TMC4: variants seen among roughly 807,000 people sequenced by gnomAD.
TMC4 encodes voltage-gated chloride channel TMC4.
Under a neutral mutation model 82.0 loss-of-function variants are expected in TMC4, and 70 were observed. The ratio of observed to expected loss-of-function variants is 0.85; its 90% CI spans 0.70 to 1.04. The LOEUF is 1.04. TMC4 is among the 50% of genes least tolerant of loss of function. The pLI, the probability that TMC4 is intolerant of heterozygous loss-of-function variation, is 0.00. For synonymous variants in TMC4, 446 were observed against 406.0 expected (o/e 1.10, Z -1.18); for missense variants, 879 against 899.0 (o/e 0.98, Z 0.28).
At chr19:54,160,832 G>C (rs757869886) in intron 13 of TMC4, 46 bp downstream of exon 13, 1 of 1,604,762 alleles carries the variant, frequency 6.2e-7, no homozygotes, top group African/African-American at 1.3e-5. Flanking sequence ...GTGGCCCCCA[G>C]ATCACACGCA....
At chr19:54,162,374 C>T in intron 10 of TMC4, 89 bp from the exon 11 acceptor site, 2 of 633,416 alleles carry the variant, frequency 3.2e-6, no homozygotes, top group East Asian at 6.8e-5. Flanking sequence ...CAATAGGAAG[C>T]ATGCGTATTG....
chr19:54,171,844 G>A, intron 2 of TMC4, 26 bp downstream of exon 2: 1 of 1,569,890 alleles, frequency 6.4e-7, no homozygotes, highest in Non-Finnish European at 8.6e-7. Context: ...GGGCTGTGCG[G>A]GTCCCAGCTG....
intron 8 of TMC4, 158 bp from the exon 9 acceptor site, chr19:54,163,317 T>C: frequency 6.8e-6 from 7 of 1,022,758 alleles, no homozygotes; most frequent in African/African-American, 3.4e-5. Context: ...TCTTTTTTTT[T>C]TTTTTTTTTT....
intron 10 of TMC4, 137 bp from the exon 11 acceptor site, chr19:54,162,422 A>G: frequency 1.5e-6 from 1 of 669,574 alleles, no homozygotes; most frequent in Non-Finnish European, 2.4e-6. Flanking sequence ...TCAGGACTCC[A>G]CGTGGAGGGG....
Position 54,171,927 on chromosome 19 carries a change from T to G in TMC4, c.236A>C (p.Gln79Pro). 6.2e-7 allele frequency: 1 copy of G among 1,613,582 alleles called. No individual in the cohort carries two copies. The highest frequency in any genetic ancestry group is 8.5e-7 in the Non-Finnish European group (1 of 1,179,726). ...CAGTTCCCGGGAAGGGTGAGGGTCC[T>G]GCAGCTCTGTCTGGGTGACTTCTGT... ...AFTEVTQTELQDPHPSRELPW... is the reference protein window; with the variant it reads ...AFTEVTQTELPDPHPSRELPW... Residue 79 changes from glutamine (Q) to proline (P), a missense_variant, in exon 2 of 15, where the codon CAG becomes CCG. By Grantham distance (76) the Gln-to-Pro change is moderately conservative. Coordinates refer to ENST00000619895, the MANE Select transcript of TMC4 (RefSeq NM_144686.4).
intron 1 of TMC4, 43 bp from the exon 2 acceptor site, chr19:54,172,126 C>G (rs559647109): frequency 6.8e-7 from 1 of 1,470,440 alleles, no homozygotes; most frequent in South Asian, 1.4e-5. Flanking sequence ...GAGTCTGGGC[C>G]CTAATTCCTC....
At chr19:54,172,938 C>T (rs2075946537) in intron 1 of TMC4, 101 bp downstream of exon 1, 3 of 981,534 alleles carry the variant, frequency 3.1e-6, no homozygotes, top group African/African-American at 1.6e-5. Context: ...CTCTCTTTAG[C>T]CCTCAGACTC....
intron 11 of TMC4, 34 bp from the exon 12 acceptor site, chr19:54,161,294 A>G: frequency 6.8e-7 from 1 of 1,473,444 alleles, no homozygotes; most frequent in South Asian, 1.5e-5. Context: ...AAGGGCTCTG[A>G]AACACAAGAG....
rs1422936059 is a variant in TMC4 at position 54,165,510 on chromosome 19, T to A, written c.854A>T (p.Tyr285Phe). The A allele has an allele frequency of 9.3e-6, 15 of 1,612,692 alleles. No homozygotes were observed. The highest frequency in any genetic ancestry group is 1.2e-5 in the Non-Finnish European group (14 of 1,179,460). ...LLAESEALTS[Y>F]SHRVFSAWDF... is the part of the protein sequence containing the mutation. ...CCAGGCCGAGAACACCCGGTGGCTG[T>A]AGCTGGTCAGAGCCTCGGACTCCGC... Residue 285 changes from tyrosine (Y) to phenylalanine (F), a missense_variant, in exon 6 of 15, where the codon TAC becomes TTC. Physicochemically the swap from Tyr to Phe is conservative, Grantham distance 22. Transcript: ENST00000619895.
At chr19:54,170,965 A>G (rs565305245) in intron 2 of TMC4, among the ~76,000 whole-genome samples, 117 of 152,018 alleles carry the variant, frequency 7.7e-4, no homozygotes, top group African/African-American at 2.4e-3. Context: ...CTCAGGCCGC[A>G]GTATAGTGGC....
At chr19:54,169,728 C>A (rs1169603102) in intron 2 of TMC4, 68 bp from the exon 3 acceptor site, 2 of 1,579,746 alleles carry the variant, frequency 1.3e-6, no homozygotes, top group Non-Finnish European at 1.7e-6. Flanking sequence ...TGAATGTAGA[C>A]ACAATCCAAC....
chr19:54,170,866 A>G (rs1455248080), intron 2 of TMC4, among the ~76,000 whole-genome samples: 2 of 151,942 alleles, frequency 1.3e-5, no homozygotes, highest in African/African-American at 4.8e-5. Context: ...TTATATAGAT[A>G]GCTGTTCTTT....
chr19:54,160,703 C>A (rs565547136), intron 13 of TMC4, 158 bp from the exon 14 acceptor site: 3 of 1,430,132 alleles, frequency 2.1e-6, no homozygotes, highest in Non-Finnish European at 2.8e-6. Flanking sequence ...ATCCAGGAGT[C>A]CTACGTCCCG....
At chr19:54,168,789 T>TTTC (rs1281188788) in intron 3 of TMC4, 109 bp from the exon 4 acceptor site, 2 of 275,714 alleles carry the variant, frequency 7.3e-6, no homozygotes, top group Admixed American at 8.6e-5. Context: ...CTTTCTTTTC[T>TTTC]TTTCTTTCTT....
chr19:54,161,701 G>T (rs2075559253), intron 11 of TMC4, among the ~76,000 whole-genome samples: 1 of 152,152 alleles, frequency 6.6e-6, no homozygotes, highest in South Asian at 2.1e-4. Flanking sequence ...ACTAAGCCCG[G>T]CTAATTTTTT....
rs781901191 is a variant in TMC4, at chr19:54,160,287, G to C, written c.*19C>G. On this transcript the variant is annotated 3_prime_UTR_variant, in exon 15 of 15. Transcript: ENST00000619895. ...TACAATGGGCCTGGGGTCTGAAAGC[G>C]GGACGTGGGCTGCGGGGGTCAAAGA... 2 of 1,512,202 alleles carry C rather than the reference G, an allele frequency of 1.3e-6. No individual in the cohort carries two copies. The highest frequency in any genetic ancestry group is 1.3e-5 in the South Asian group (1 of 74,608). 93.7% of individuals were successfully genotyped at this position (1,512,202 alleles called of 1,614,324 possible). A position where few individuals can be genotyped will look rare whatever the true frequency, so the allele number is the denominator to read the frequency against.
intron 5 of TMC4, 112 bp downstream of exon 5, chr19:54,168,059 G>A (rs2075747107): frequency 4.6e-6 from 6 of 1,313,214 alleles, no homozygotes; most frequent in African/African-American, 1.5e-5. Flanking sequence ...GCAAAACTCC[G>A]TCTCAAAAAA....
chr19:54,163,611 T>C, intron 8 of TMC4, 113 bp downstream of exon 8: 4 of 1,329,420 alleles, frequency 3.0e-6, no homozygotes, highest in Non-Finnish European at 4.3e-6. Context: ...AGTCAGGATT[T>C]GAATCCCTGG....
chr19:54,163,963 T>C (rs1430957068), intron 7 of TMC4, 76 bp from the exon 8 acceptor site: 19 of 1,333,132 alleles, frequency 1.4e-5, no homozygotes, highest in Middle Eastern at 2.1e-4. Flanking sequence ...CCCCGGCCTC[T>C]TCTTCTTCTT....
Sources: gnomAD v4.1 joint callset for allele counts (sites outside exome capture counted in the v4.1 genomes callset) on GRCh38, gnomAD v4.1.1 for gene constraint, MANE v1.5 for transcripts, NCBI Gene and HGNC (gene_info 2026-07-23, HGNC 2026-07-21) for gene names.